ALCAM: variants seen among roughly 807,000 people sequenced by gnomAD.
ALCAM encodes activated leukocyte cell adhesion molecule.
In ALCAM, 30 loss-of-function variants were observed where a neutral mutation model predicts 70.9. That is an observed-to-expected ratio of 0.42 (90% CI 0.32 to 0.57). The LOEUF is 0.57. Among genes scored for constraint, ALCAM ranks in the 20% least tolerant of loss-of-function variants. ALCAM has a pLI of 0.11. For synonymous variants in ALCAM, 249 were observed against 242.5 expected (o/e 1.03, Z -0.25); for missense variants, 591 against 695.1 (o/e 0.85, Z 1.68).
At chr3:105,406,644 C>A (rs1029360766) in intron 1 of ALCAM, among the ~76,000 whole-genome samples, 1 of 148,296 alleles carries the variant, frequency 6.7e-6, no homozygotes, top group Non-Finnish European at 1.5e-5. Context: ...ACTGGAGGAA[C>A]AAAAACAATC....
intron 6 of ALCAM, among the ~76,000 whole-genome samples, chr3:105,535,265 C>T (rs563990427): frequency 5.3e-5 from 8 of 152,126 alleles, no homozygotes; most frequent in Non-Finnish European, 1.0e-4. Context: ...AGACATTTTA[C>T]TTAACTAAAT....
At chr3:105,518,396 C>T (rs1207844855) in intron 1 of ALCAM, among the ~76,000 whole-genome samples, 1 of 152,040 alleles carries the variant, frequency 6.6e-6, no homozygotes, top group Non-Finnish European at 1.5e-5. Context: ...CAGACCTCTA[C>T]CTGTGAAGTG....
chr3:105,477,771 T>C lies in ALCAM; in HGVS notation c.74-42296T>C, dbSNP rs185837795. On this transcript the variant is annotated intron_variant, in intron 1 of 15. Transcript: ENST00000306107. ...CTTCCTGAAGCACTGATTTTTTTAATGTTTTTTCCACTTTTTATATGTAAT... is the reference window on the plus strand; with the variant it reads ...CTTCCTGAAGCACTGATTTTTTTAACGTTTTTTCCACTTTTTATATGTAAT... 3.9e-3 allele frequency among the ~76,000 whole-genome samples: 596 copies of C among 152,252 alleles called. 1 individual carries two copies. Among genetic ancestry groups the C allele is most frequent in the African/African-American group, 0.014 (576 of 41,584 alleles).
chr3:105,524,667 G>T, intron 3 of ALCAM, 159 bp downstream of exon 3: 1 of 1,336,812 alleles, frequency 7.5e-7, no homozygotes. Context: ...TATACTATCA[G>T]CAAAGAAAAC....
intron 14 of ALCAM, among the ~76,000 whole-genome samples, chr3:105,562,617 C>T (rs1022347583): frequency 6.6e-6 from 1 of 152,086 alleles, no homozygotes; most frequent in Non-Finnish European, 1.5e-5. Flanking sequence ...ACATTCCCAT[C>T]AAGTTTTGGT....
intron 1 of ALCAM, among the ~76,000 whole-genome samples, chr3:105,486,951 A>G (rs562933322): frequency 5.9e-4 from 43 of 73,466 alleles, no homozygotes; most frequent in Admixed American, 4.6e-3. Context: ...TGCACAGAGC[A>G]TAAGACATTT....
intron 1 of ALCAM, among the ~76,000 whole-genome samples, chr3:105,486,957 C>CATTTATTTATTTATTTATTTATTT (rs9288808): frequency 0.08 from 11,854 of 148,764 alleles, 625 homozygotes; most frequent in Admixed American, 0.16. Flanking sequence ...GAGCATAAGA[C>CATTTATTTATTTATTTATTTATTT]ATTTATTTAT....
At chr3:105,538,140 A>T (rs1183978441) in intron 6 of ALCAM, among the ~76,000 whole-genome samples, 1 of 152,164 alleles carries the variant, frequency 6.6e-6, no homozygotes, top group Non-Finnish European at 1.5e-5. Context: ...GGAAATATAT[A>T]TGAAAGGATC....
chr3:105,469,235 G>A (rs550041909), intron 1 of ALCAM, among the ~76,000 whole-genome samples: 15 of 151,264 alleles, frequency 9.9e-5, no homozygotes, highest in African/African-American at 1.4e-4. Context: ...TGACCACTGC[G>A]GTAGGCAGCA....
At chr3:105,538,106 G>A (rs898418782) in intron 6 of ALCAM, among the ~76,000 whole-genome samples, 1 of 152,028 alleles carries the variant, frequency 6.6e-6, no homozygotes. Context: ...TATTCAAAGC[G>A]CTACTTCAGA....
chr3:105,489,831 G>GAA (rs11422104), intron 1 of ALCAM, among the ~76,000 whole-genome samples: 3 of 151,792 alleles, frequency 2.0e-5, no homozygotes, highest in African/African-American at 7.3e-5. Context: ...CTGACATAGA[G>GAA]AAAAAAATAT....
chr3:105,537,218 T>C (rs1239746859), intron 6 of ALCAM, among the ~76,000 whole-genome samples: 1 of 152,140 alleles, frequency 6.6e-6, no homozygotes, highest in Non-Finnish European at 1.5e-5. Context: ...TTTGATCTGA[T>C]TTCTGCCTTC....
chr3:105,533,472 T>G (rs1162583751), intron 4 of ALCAM, 131 bp from the exon 5 acceptor site: 1 of 574,310 alleles, frequency 1.7e-6, no homozygotes, highest in African/African-American at 1.9e-5. Context: ...TATTCAGTCT[T>G]TGGTCAGTGT....
chr3:105,504,544 G>A (rs1939011527), intron 1 of ALCAM, among the ~76,000 whole-genome samples: 1 of 92,030 alleles, frequency 1.1e-5, no homozygotes, highest in South Asian at 3.9e-4. Flanking sequence ...AGCTGCCCCC[G>A]CCAACTCCGC....
At chr3:105,468,223 G>C (rs985547383) in intron 1 of ALCAM, among the ~76,000 whole-genome samples, 1 of 151,222 alleles carries the variant, frequency 6.6e-6, no homozygotes, top group South Asian at 2.1e-4. Flanking sequence ...TCTTTCTCTG[G>C]CACTACTACG....
At position 105,433,625 on chromosome 3, in the gene ALCAM, G is replaced by T. The variant is rs117449446; in HGVS notation, c.73+66144G>T. On this transcript the variant is annotated intron_variant, in intron 1 of 15. Transcript: ENST00000306107. ...GTCCCACTGCAAAAATAGTCCTCCT[G>T]GGTCTGTTGCCAGGAAGAAGACTGA... 1.1e-3 allele frequency among the ~76,000 whole-genome samples: 164 copies of T among 151,892 alleles called. 4 individuals carry two copies. In the East Asian group the frequency reaches 0.031, roughly 29 times the overall value.
chr3:105,434,491 T>C (rs777833655), intron 1 of ALCAM, among the ~76,000 whole-genome samples: 1 of 152,066 alleles, frequency 6.6e-6, no homozygotes, highest in African/African-American at 2.4e-5. Flanking sequence ...TTGTCCTTAC[T>C]TCAAAAATAT....
At position 105,557,327 on chromosome 3, in the gene ALCAM, G is replaced by A. The variant is rs116914184; in HGVS notation, c.1664+4742G>A. 2.4e-4 allele frequency among the ~76,000 whole-genome samples: 36 copies of A among 152,144 alleles called. No individual in the cohort carries two copies. The East Asian group carries it at 6.6e-3, about 28-fold the overall frequency. On this transcript the variant is annotated intron_variant, in intron 14 of 15. Transcript: ENST00000306107. ...CCATAAATAATAGAGGGGACTTGAT[G>A]GGAAATAAAACAATGTGGAAATGCC...
At position 105,576,349 on chromosome 3, in the gene ALCAM, T is replaced by C. The variant is rs1940963111; in HGVS notation, c.*1898T>C. On this transcript the variant is annotated 3_prime_UTR_variant, in exon 16 of 16. Transcript: ENST00000306107. ...AGAAATTCTAAAATTTTTAAACACC[T>C]GCTCTCCACAATAAATCACAAACAC... The C allele has an allele frequency of 6.6e-6, 1 of 152,582 alleles. No individual in the cohort carries two copies. The highest frequency in any genetic ancestry group is 2.4e-5 in the African/African-American group (1 of 41,450). The allele number at this position is 152,582 out of a possible 1,614,324, so 9.5% of individuals were successfully genotyped here.
Sources: gnomAD v4.1 joint callset for allele counts (sites outside exome capture counted in the v4.1 genomes callset) on GRCh38, gnomAD v4.1.1 for gene constraint, MANE v1.5 for transcripts, NCBI Gene and HGNC (gene_info 2026-07-23, HGNC 2026-07-21) for gene names.